The following MRE11 variants were observed in gnomAD, a reference collection of about 807,000 sequenced individuals.
MRE11 encodes the protein MRE11 double strand break repair nuclease, also known as double-strand break repair protein MRE11.
A neutral mutation model predicts 91.7 loss-of-function variants in MRE11; 62 were observed. The ratio of observed to expected loss-of-function variants is 0.68; its 90% confidence interval spans 0.55 to 0.84. The LOEUF (loss-of-function observed/expected upper bound fraction) is 0.84, where lower values mean the gene tolerates loss of function less well. MRE11 is among the 40% of genes least tolerant of loss of function. The pLI is 0.00. For synonymous variants in MRE11, 273 were observed against 271.4 expected (o/e 1.01, Z -0.06); for missense variants, 796 against 852.9 (o/e 0.93, Z 0.83).
intron 18 of MRE11, among the ~76,000 whole-genome samples, chr11:94,433,446 T>C (rs1219577857): frequency 6.6e-6 from 1 of 152,240 alleles, no homozygotes; most frequent in South Asian, 2.1e-4. Flanking sequence ...ACATTAGTCA[T>C]TGGCTCCTAA....
At chr11:94,450,732 T>C (rs1005893940) in intron 14 of MRE11, among the ~76,000 whole-genome samples, 9 of 152,236 alleles carry the variant, frequency 5.9e-5, no homozygotes, top group East Asian at 3.9e-4. Flanking sequence ...AGAAAGCCTA[T>C]AGCCTGCTAA....
upstream of MRE11, chr11:94,496,642 A>G (rs918981541): frequency 4.1e-6 from 6 of 1,455,872 alleles, no homozygotes; most frequent in Non-Finnish European, 5.5e-6. Flanking sequence ...ATCTCTAGAA[A>G]GATTTATATC....
chr11:94,488,705 G>C (rs1393702740), intron 3 of MRE11, among the ~76,000 whole-genome samples: 1 of 152,132 alleles, frequency 6.6e-6, no homozygotes, highest in Non-Finnish European at 1.5e-5. Flanking sequence ...TGGAGGAACA[G>C]AAAAATCAAA....
chr11:94,445,758 T>C, intron 16 of MRE11, 52 bp downstream of exon 16: 14 of 1,330,394 alleles, frequency 1.1e-5, no homozygotes, highest in Non-Finnish European at 1.5e-5. Flanking sequence ...GTGATTACCT[T>C]GGTCTTTCTA....
At chr11:94,487,016 T>C (rs545860447) in intron 3 of MRE11, among the ~76,000 whole-genome samples, 2 of 152,268 alleles carry the variant, frequency 1.3e-5, no homozygotes, top group South Asian at 4.1e-4. Context: ...AGCTAGGCCT[T>C]CCAGAATGAA....
At chr11:94,470,345 T>C in intron 9 of MRE11, 126 bp downstream of exon 9, 1 of 951,450 alleles carries the variant, frequency 1.1e-6, no homozygotes, top group Non-Finnish European at 1.6e-6. Context: ...AAGAACAGTG[T>C]CCTTACAGGC....
the MRE11 span, among the ~76,000 whole-genome samples, chr11:94,511,312 G>A: frequency 3.3e-5 from 5 of 152,138 alleles, no homozygotes; most frequent in African/African-American, 1.2e-4. Context: ...AGTTTCCGGA[G>A]GCTTCACCAG....
intron 4 of MRE11, among the ~76,000 whole-genome samples, chr11:94,485,662 A>C (rs1947122883): frequency 6.6e-6 from 1 of 150,508 alleles, no homozygotes; most frequent in Non-Finnish European, 1.5e-5. Context: ...GCTGGAGTGC[A>C]ATGGCACAAT....
rs71459729 is a variant in MRE11, at chr11:94,483,120, C to CA, written c.314+2803dup. Among the ~76,000 whole-genome samples, 295 of 151,762 alleles carry CA rather than the reference C, an allele frequency of 1.9e-3. 1 individual carries two copies. The highest frequency in any genetic ancestry group is 6.0e-3 in the South Asian group (29 of 4,810). On this transcript the variant is annotated intron_variant, in intron 4 of 19. Transcript: ENST00000323929. ...GTGAACATAAACATTTTCATGTGGA[C>CA]AAAATCTCAAAAAAAAATTTACCTC...
intron 11 of MRE11, among the ~76,000 whole-genome samples, chr11:94,461,804 G>A (rs561854233): frequency 3.9e-5 from 6 of 152,260 alleles, no homozygotes; most frequent in East Asian, 1.9e-4. Flanking sequence ...GACCAGGCGC[G>A]GTGGCTCACG....
intron 18 of MRE11, 141 bp downstream of exon 18, chr11:94,435,691 G>GT: frequency 1.4e-6 from 1 of 707,936 alleles, no homozygotes; most frequent in African/African-American, 1.8e-5. Context: ...CCCTTGGTCT[G>GT]TTTTCATTCC....
intron 3 of MRE11, among the ~76,000 whole-genome samples, chr11:94,490,605 C>T (rs1488985727): frequency 6.6e-6 from 1 of 152,150 alleles, no homozygotes; most frequent in Non-Finnish European, 1.5e-5. Flanking sequence ...ATTCAGTAAA[C>T]ACCCCAAAAA....
intron 19 of MRE11, among the ~76,000 whole-genome samples, chr11:94,424,503 C>T (rs1363962155): frequency 6.6e-6 from 1 of 152,188 alleles, no homozygotes; most frequent in Non-Finnish European, 1.5e-5. Flanking sequence ...TAGTTCTTAA[C>T]CAGATTGAAG....
At chr11:94,471,213 C>T (rs1230035643) in intron 8 of MRE11, among the ~76,000 whole-genome samples, 1 of 151,948 alleles carries the variant, frequency 6.6e-6, no homozygotes. Flanking sequence ...TATTATACTG[C>T]ACTTATAATC....
intron 12 of MRE11, 111 bp downstream of exon 12, chr11:94,460,825 A>G (rs1020074168): frequency 2.3e-5 from 21 of 907,458 alleles, no homozygotes; most frequent in Non-Finnish European, 3.5e-5. Flanking sequence ...CTTACTTCAT[A>G]GAAACATTTT....
chr11:94,485,472 A>G (rs1307297907), intron 4 of MRE11, among the ~76,000 whole-genome samples: 1 of 152,102 alleles, frequency 6.6e-6, no homozygotes, highest in African/African-American at 2.4e-5. Flanking sequence ...TAATTAGAAT[A>G]TATAAGTAAC....
chr11:94,456,329 A>G lies in MRE11; in HGVS notation c.1510T>C (p.Phe504Leu). 1 of 1,613,008 alleles carries G rather than the reference A, an allele frequency of 6.2e-7. No individual in the cohort carries two copies. Among genetic ancestry groups the G allele is most frequent in the Non-Finnish European group, 8.5e-7 (1 of 1,179,302 alleles). ...EDKIDEEVRR[F>L]RETRQKNTNE... is the part of the protein sequence containing the mutation. The stretch of plus-strand genomic sequence containing the variant: ...GTATTTTTTTGTCTGGTTTCTCTGA[A>G]ACGACGTACCTAGATCATAACAGAG... Residue 504 changes from phenylalanine to leucine, a missense_variant, in exon 14 of 20, where the codon TTC becomes CTC. By Grantham distance (22) the Phe-to-Leu change is conservative (BLOSUM62 0). Transcript: ENST00000323929.
At chr11:94,497,210 T>G, upstream of MRE11, 1 of 541,362 alleles carries the variant, frequency 1.8e-6, no homozygotes, top group Non-Finnish European at 3.2e-6. Flanking sequence ...ATTAGGATCA[T>G]TTAGGAAAGA....
intron 19 of MRE11, among the ~76,000 whole-genome samples, chr11:94,428,513 G>T (rs1945381995): frequency 6.6e-6 from 1 of 152,118 alleles, no homozygotes; most frequent in African/African-American, 2.4e-5. Flanking sequence ...AAAAGCAACT[G>T]CAAGAAAAAT....
Sources: gnomAD v4.1 joint callset for allele counts (sites outside exome capture counted in the v4.1 genomes callset) on GRCh38, gnomAD v4.1.1 for gene constraint, MANE v1.5 for transcripts, NCBI Gene and HGNC (gene_info 2026-07-23, HGNC 2026-07-21) for gene names.